Variants in SH3D19 observed in about 807,000 individuals in gnomAD.
SH3D19 encodes the protein SH3 domain containing 19.
Under a neutral mutation model 112.1 loss-of-function variants are expected in SH3D19, and 58 were observed. That is an observed-to-expected ratio of 0.52 (90% confidence interval 0.42 to 0.64). The LOEUF (loss-of-function observed/expected upper bound fraction) is 0.64. Among genes scored for constraint, SH3D19 ranks in the 30% least tolerant of loss-of-function variants. The probability of loss-of-function intolerance (pLI) is 0.00; values close to 1 mark genes in which losing one functional copy is unlikely to be tolerated. For synonymous variants in SH3D19, 391 were observed against 448.5 expected (o/e 0.87, Z 1.62); for missense variants, 1,090 against 1,263.4 (o/e 0.86, Z 2.08).
intron 1 of SH3D19, chr4:151,291,157 G>C (rs1389937082): frequency 2.5e-6 from 4 of 1,613,704 alleles, no homozygotes; most frequent in Non-Finnish European, 3.4e-6. Context: ...CATTGATGGT[G>C]TATGGATCCA....
chr4:151,141,517 C>T (rs913186812), intron 12 of SH3D19, among the ~76,000 whole-genome samples: 2 of 152,090 alleles, frequency 1.3e-5, no homozygotes, highest in Non-Finnish European at 2.9e-5. Flanking sequence ...TGGTGATACA[C>T]CCCTGTGGTC....
At position 151,175,317 on chromosome 4, in the gene SH3D19, C is replaced by T; in HGVS notation, c.887G>A (p.Arg296Lys). ...TGTCTGACCCTCAAACACTTTAATT[C>T]TGGAAACAATACTATTTTGGCTTTG... ...TEQSQNSIVS[R>K]IKVFEGQTNI... Residue 296 changes from arginine to lysine, a missense_variant, in exon 7 of 20, where the codon AGA becomes AAA. Transcript: ENST00000604030. The T allele has an allele frequency of 6.2e-7, 1 of 1,613,808 alleles. No homozygotes were observed. Among genetic ancestry groups the T allele is most frequent in the Non-Finnish European group, 8.5e-7 (1 of 1,179,904 alleles).
chr4:151,162,351 C>T (rs981001894), intron 8 of SH3D19, among the ~76,000 whole-genome samples: 3 of 152,016 alleles, frequency 2.0e-5, no homozygotes, highest in Non-Finnish European at 2.9e-5. Flanking sequence ...GGCTGCAGCC[C>T]GGCTAATTTT....
At chr4:151,148,254 TACACACAC>T (rs34219685) in intron 10 of SH3D19, 68 bp from the exon 11 acceptor site, 186 of 983,700 alleles carry the variant, frequency 1.9e-4, no homozygotes, top group African/African-American at 6.9e-4. Flanking sequence ...TGTCCTGTCT[TACACACAC>T]ACACACACAC....
At chr4:151,215,162 T>C (rs1478072643) in intron 2 of SH3D19, among the ~76,000 whole-genome samples, 2 of 152,200 alleles carry the variant, frequency 1.3e-5, no homozygotes, top group African/African-American at 2.4e-5. Flanking sequence ...CCTCAAGCAA[T>C]CCTCCTGCCT....
intron 1 of SH3D19, among the ~76,000 whole-genome samples, chr4:151,313,447 C>T (rs752128509): frequency 6.6e-6 from 1 of 151,680 alleles, no homozygotes; most frequent in Non-Finnish European, 1.5e-5. Context: ...GATAAGGTCT[C>T]ACTCTGTCAC....
At chr4:151,153,880 T>C (rs1303207212) in intron 9 of SH3D19, among the ~76,000 whole-genome samples, 1 of 152,222 alleles carries the variant, frequency 6.6e-6, no homozygotes, top group Admixed American at 6.5e-5. Context: ...TTTAATTTAT[T>C]ATAACTTCCT....
At position 151,179,408 on chromosome 4, in the gene SH3D19, A is replaced by G; in HGVS notation, c.194-11T>C. On this transcript the variant is annotated splice_polypyrimidine_tract_variant and intron_variant, in intron 3 of 19. Coordinates refer to ENST00000604030, the MANE Select transcript of SH3D19 (RefSeq NM_001378122.1). The stretch of plus-strand genomic sequence containing the variant: ...TAGAAGTCCGAGAAGCTGTTGAAGA[A>G]GGAATAAACTGGTATAGTACAAAAT... 1 of 1,228,138 alleles carries G rather than the reference A, an allele frequency of 8.1e-7. No individual in the cohort carries two copies. The highest frequency in any genetic ancestry group is 1.0e-6 in the Non-Finnish European group (1 of 984,502). 76.1% of individuals were successfully genotyped at this position (1,228,138 alleles called of 1,614,324 possible).
Position 151,139,813 on chromosome 4 carries a change from C to T in SH3D19, c.2258G>A (p.Gly753Asp), listed in dbSNP as rs1752656932. 1.3e-5 allele frequency: 21 copies of T among 1,614,180 alleles called. No individual in the cohort carries two copies. The highest frequency in any genetic ancestry group is 1.8e-5 in the Non-Finnish European group (21 of 1,180,040). Residue 753 changes from glycine to aspartate, a missense_variant, in exon 13 of 20, where the codon GGT (glycine) becomes GAT (aspartate). Gly to Asp is a moderately conservative substitution (Grantham distance 94, BLOSUM62 -1). Transcript: ENST00000604030. ...PSHAQKPVDS[G>D]APHAVVLHDF... ...ATGAAGAACGACAGCATGAGGAGCA[C>T]CACTGTCAACAGGCTTCTGAGCGTG...
chr4:151,320,668 AC>A, intron 1 of SH3D19, among the ~76,000 whole-genome samples: 1 of 152,340 alleles, frequency 6.6e-6, no homozygotes, highest in South Asian at 2.1e-4. Flanking sequence ...TCCTGGGTAA[AC>A]AAAGAACTCC....
At chr4:151,303,937 T>C (rs1728691686) in intron 1 of SH3D19, among the ~76,000 whole-genome samples, 1 of 142,152 alleles carries the variant, frequency 7.0e-6, no homozygotes, top group Non-Finnish European at 1.6e-5. Flanking sequence ...CTTCTCTTGC[T>C]CTCTCATTTT....
At chr4:151,187,271 T>C (rs1761950158) in intron 3 of SH3D19, among the ~76,000 whole-genome samples, 152 bp downstream of exon 3, 1 of 152,140 alleles carries the variant, frequency 6.6e-6, no homozygotes, top group Non-Finnish European at 1.5e-5. Flanking sequence ...GGCTGAAAAG[T>C]AGCTGTTTGT....
At chr4:151,150,437 A>T (rs1754849729) in intron 9 of SH3D19, among the ~76,000 whole-genome samples, 1 of 151,216 alleles carries the variant, frequency 6.6e-6, no homozygotes, top group Admixed American at 6.6e-5. Context: ...AGGGATGGTT[A>T]TTAGTTGGTT....
chr4:151,300,816 C>T (rs1728333727), intron 1 of SH3D19, among the ~76,000 whole-genome samples: 1 of 152,068 alleles, frequency 6.6e-6, no homozygotes, highest in Admixed American at 6.6e-5. Context: ...TGCAAACAGC[C>T]AGAGGTACCT....
intron 2 of SH3D19, among the ~76,000 whole-genome samples, chr4:151,193,632 C>T (rs941868742): frequency 3.3e-5 from 5 of 152,188 alleles, no homozygotes; most frequent in Non-Finnish European, 7.3e-5. Flanking sequence ...AGTGACTTTA[C>T]TAAGATGGAA....
At chr4:151,175,867 C>T (rs1209191162) in intron 6 of SH3D19, among the ~76,000 whole-genome samples, 193 bp from the exon 7 acceptor site, 1 of 151,846 alleles carries the variant, frequency 6.6e-6, no homozygotes, top group Non-Finnish European at 1.5e-5. Flanking sequence ...GAGTGCTCTT[C>T]ATATAACACT....
chr4:151,232,746 C>A (rs760380366), intron 1 of SH3D19, among the ~76,000 whole-genome samples: 5 of 152,188 alleles, frequency 3.3e-5, no homozygotes, highest in Non-Finnish European at 7.3e-5. Context: ...TCAAGAACCA[C>A]CTTCTCCATG....
rs541048270 is a variant in SH3D19, at chr4:151,273,482, C to T, written c.113-47396G>A. ...GTGGGCGCCTGTAGTCCCAGCTACT[C>T]GGGAGGCTGAGGCAGGTGAATCGCT... On this transcript the variant is annotated intron_variant, in intron 1 of 19. Coordinates refer to ENST00000604030, the MANE Select transcript of SH3D19 (RefSeq NM_001378122.1). 2.3e-4 allele frequency among the ~76,000 whole-genome samples: 33 copies of T among 145,566 alleles called. No homozygotes were observed. The South Asian group carries it at 3.9e-3, about 17-fold the overall frequency.
chr4:151,235,346 C>G (rs980556612), intron 1 of SH3D19, among the ~76,000 whole-genome samples: 1 of 152,152 alleles, frequency 6.6e-6, no homozygotes, highest in African/African-American at 2.4e-5. Context: ...ATAAGATATG[C>G]TATAAGCAAG....
Sources: gnomAD v4.1 joint callset for allele counts (sites outside exome capture counted in the v4.1 genomes callset) on GRCh38, gnomAD v4.1.1 for gene constraint, MANE v1.5 for transcripts, NCBI Gene and HGNC (gene_info 2026-07-23, HGNC 2026-07-21) for gene names.